The following FAAP20 variants were observed in gnomAD, a reference collection of about 807,000 sequenced individuals.
The protein encoded by FAAP20 is Fanconi anemia core complex-associated protein 20.
In FAAP20, 12 loss-of-function variants were observed where a neutral mutation model predicts 16.2. That is an observed-to-expected ratio of 0.74 (90% CI 0.48 to 1.20). FAAP20 has a LOEUF of 1.20. Among genes scored for constraint, FAAP20 ranks in the 50% most tolerant of loss-of-function variants. The pLI, the probability that FAAP20 is intolerant of heterozygous loss-of-function variation, is 0.00. For synonymous variants in FAAP20, 141 were observed against 110.7 expected (o/e 1.27, Z -1.72); for missense variants, 288 against 245.8 (o/e 1.17, Z -1.15).
At position 2,194,763 on chromosome 1, in the gene FAAP20, G is replaced by T; in HGVS notation, c.-14C>A. The stretch of plus-strand genomic sequence containing the variant: ...CGCCGCCTCCATCCAAGCCCGCGCC[G>T]GGCGGAAGTGAGCGCAAGCCCCGCC... On this transcript the variant is annotated 5_prime_UTR_variant, in exon 1 of 4. Transcript: ENST00000378546. 8.5e-7 allele frequency: 1 copy of T among 1,174,998 alleles called. No homozygotes were observed. The highest frequency in any genetic ancestry group is 1.1e-6 in the Non-Finnish European group (1 of 952,304). 72.8% of individuals were successfully genotyped at this position (1,174,998 alleles called of 1,614,324 possible).
chr1:2,198,832 T>G, upstream of FAAP20: 3 of 1,289,788 alleles, frequency 2.3e-6, no homozygotes, highest in Non-Finnish European at 3.0e-6. Flanking sequence ...CCACACCTGC[T>G]GGCCCGTGGA....
At chr1:2,201,244 A>G, upstream of FAAP20, 1 of 1,195,840 alleles carries the variant, frequency 8.4e-7, no homozygotes, top group Non-Finnish European at 1.1e-6. Flanking sequence ...GAAAATAAGG[A>G]CAGTGGGTGG....
chr1:2,193,472 C>CA, intron 3 of FAAP20, 167 bp downstream of exon 3: 1 of 1,128,322 alleles, frequency 8.9e-7, no homozygotes, highest in Non-Finnish European at 1.2e-6. Flanking sequence ...AGACCCGTGA[C>CA]AGAGAGCCAC....
chr1:2,189,861 C>T, intron 3 of FAAP20, 80 bp from the exon 4 acceptor site: 1 of 1,090,290 alleles, frequency 9.2e-7, no homozygotes, highest in Non-Finnish European at 1.4e-6. Context: ...CCTCCGGGCC[C>T]TCTCTGCTCC....
intron 3 of FAAP20, chr1:2,192,900 T>G: frequency 2.3e-6 from 3 of 1,303,218 alleles, no homozygotes; most frequent in Non-Finnish European, 3.0e-6. Context: ...GTGCCCGGCC[T>G]TTTCTTTTGT....
At chr1:2,205,748 G>A (rs545267903) in intron 3 of FAAP20, among the ~76,000 whole-genome samples, 1 of 152,366 alleles carries the variant, frequency 6.6e-6, no homozygotes, top group African/African-American at 2.4e-5. Context: ...TGGCGCGCCC[G>A]GGGACTGGAA....
chr1:2,191,664 C>T (rs1160115400), intron 3 of FAAP20: 1 of 203,046 alleles, frequency 4.9e-6, no homozygotes, highest in Non-Finnish European at 8.7e-6. Context: ...TCGCTTGAAC[C>T]CGGGAGGCAG....
rs1688715424 is a variant in FAAP20 at position 2,194,754 on chromosome 1, G to A, written c.-5C>T. On this transcript the variant is annotated 5_prime_UTR_variant, in exon 1 of 4. Coordinates refer to ENST00000378546, the MANE Select transcript of FAAP20 (RefSeq NM_182533.4). Reference sequence around the variant, plus strand: ...CGGCCTCCGCGCCGCCTCCATCCAAGCCCGCGCCGGGCGGAAGTGAGCGCA... The same window carrying A: ...CGGCCTCCGCGCCGCCTCCATCCAAACCCGCGCCGGGCGGAAGTGAGCGCA... 1.7e-6 allele frequency: 2 copies of A among 1,180,806 alleles called. No homozygotes were observed. The highest frequency in any genetic ancestry group is 2.1e-6 in the Non-Finnish European group (2 of 956,518). 73.1% of individuals were successfully genotyped at this position (1,180,806 alleles called of 1,614,324 possible).
At chr1:2,190,512 A>C (rs1243900584) in intron 3 of FAAP20, 5 of 432,556 alleles carry the variant, frequency 1.2e-5, no homozygotes, top group Non-Finnish European at 2.4e-5. Flanking sequence ...CATCAGCCCA[A>C]CTGGAGCGGC....
rs377224564 is a variant in FAAP20 at position 2,193,625 on chromosome 1, G to T, written c.470+14C>A. 2 of 1,591,190 alleles carry T rather than the reference G, an allele frequency of 1.3e-6. No individual in the cohort carries two copies. Among genetic ancestry groups the T allele is most frequent in the South Asian group, 1.1e-5 (1 of 88,724 alleles). On this transcript the variant is annotated intron_variant, in intron 3 of 3. Coordinates refer to ENST00000378546, the MANE Select transcript of FAAP20 (RefSeq NM_182533.4). ...GATGGATAACCGGGCCGGGCGCAGGGGTGGCCTACTCACCTGGGGGCGAAC... is the reference window on the plus strand; with the variant it reads ...GATGGATAACCGGGCCGGGCGCAGGTGTGGCCTACTCACCTGGGGGCGAAC...
downstream of FAAP20, among the ~76,000 whole-genome samples, chr1:2,211,127 A>G (rs1220441750): frequency 6.6e-6 from 1 of 151,610 alleles, no homozygotes; most frequent in Non-Finnish European, 1.5e-5. Flanking sequence ...GCTGTACACC[A>G]TACCCCTACT....
At chr1:2,206,263 CCT>C (rs891870410) in intron 3 of FAAP20, 3 of 152,292 alleles carry the variant, frequency 2.0e-5, no homozygotes, top group Non-Finnish European at 4.4e-5. Flanking sequence ...ACGGGGTCCC[CCT>C]GTGTCTCCTG....
chr1:2,194,466 G>A (rs1223590991), intron 1 of FAAP20, among the ~76,000 whole-genome samples: 1 of 139,106 alleles, frequency 7.2e-6, no homozygotes, highest in African/African-American at 2.7e-5. Flanking sequence ...GATGGGAGAG[G>A]CGCGGGAGGG....
chr1:2,197,876 G>A, upstream of FAAP20: 4 of 1,023,140 alleles, frequency 3.9e-6, no homozygotes, highest in South Asian at 6.4e-5. Flanking sequence ...CCACTTGTCA[G>A]GAAGCCTGAC....
upstream of FAAP20, chr1:2,198,041 A>G (rs371518417): frequency 1.5e-6 from 2 of 1,291,360 alleles, no homozygotes; most frequent in East Asian, 5.5e-5. Flanking sequence ...TCAGCATGAC[A>G]CAGCGGTGCT....
upstream of FAAP20, chr1:2,201,125 G>A: frequency 7.8e-7 from 1 of 1,286,226 alleles, no homozygotes; most frequent in South Asian, 1.2e-5. Context: ...TGTGAACTGT[G>A]GGCTCCAACC....
At chr1:2,191,980 TG>T (rs1349945556) in intron 3 of FAAP20, 2 of 985,382 alleles carry the variant, frequency 2.0e-6, no homozygotes, top group Non-Finnish European at 2.4e-6. Flanking sequence ...GTCCTCTGGG[TG>T]ACCCGGAGAA....
intron 1 of FAAP20, 37 bp from the exon 2 acceptor site, chr1:2,194,170 G>A (rs1172277765): frequency 1.9e-6 from 3 of 1,608,854 alleles, no homozygotes; most frequent in Admixed American, 1.7e-5. Context: ...GGGGTACTCA[G>A]TAGCGGAAAC....
At chr1:2,203,057 T>G (rs1689109065), upstream of FAAP20, among the ~76,000 whole-genome samples, 1 of 152,190 alleles carries the variant, frequency 6.6e-6, no homozygotes, top group Non-Finnish European at 1.5e-5. Flanking sequence ...TGGCTGAGAC[T>G]CTCCTCACCC....
Sources: allele counts gnomAD v4.1 joint callset (sites outside exome capture counted in the v4.1 genomes callset), GRCh38; gene constraint gnomAD v4.1.1; transcripts MANE v1.5; gene names NCBI Gene and HGNC (gene_info 2026-07-23, HGNC 2026-07-21).